The following F12 variants were observed in gnomAD, a reference collection of about 807,000 sequenced individuals.
The protein encoded by F12 is Hageman factor.
Under a neutral mutation model 74.8 loss-of-function variants are expected in F12, and 70 were observed. The observed-to-expected ratio is 0.94, with a 90% CI of 0.77 to 1.14. The LOEUF (loss-of-function observed/expected upper bound fraction) is 1.14. Ranked by LOEUF, F12 falls within the 50% of genes most tolerant of loss-of-function variation. The pLI is 0.00. For synonymous variants in F12, 373 were observed against 356.4 expected, an observed-to-expected ratio of 1.05 and a Z score of -0.52; for missense variants, 811 against 835.7, an observed-to-expected ratio of 0.97 and a Z score of 0.36.
chr5:177,407,817 G>A (rs1446768342), intron 2 of F12, among the ~76,000 whole-genome samples: 4 of 151,900 alleles, frequency 2.6e-5, no homozygotes, highest in African/African-American at 9.7e-5. Flanking sequence ...GGGATGGACG[G>A]ACAGAGAGGA....
Position 177,404,319 on chromosome 5 carries a change from T to C in F12, c.895A>G (p.Thr299Ala). The C allele has an allele frequency of 6.2e-7, 1 of 1,605,470 alleles. No individual in the cohort carries two copies. The highest frequency in any genetic ancestry group is 1.1e-5 in the South Asian group (1 of 90,524). ...YCDLAQCQTP[T>A]QAAPPTPVSP... Reference sequence around the variant, plus strand: ...ACCGGGGTCGGAGGCGCCGCCTGGGTTGGGGTCTGGCACTGTGCCAGGTCG... The same window carrying C: ...ACCGGGGTCGGAGGCGCCGCCTGGGCTGGGGTCTGGCACTGTGCCAGGTCG... The change falls in exon 9 of 14, where the codon ACC (threonine) becomes GCC (alanine). Residue 299 changes from threonine (T) to alanine (A), a missense_variant. Thr to Ala is a moderately conservative substitution (Grantham distance 58). Coordinates refer to ENST00000253496, the MANE Select transcript of F12 (RefSeq NM_000505.4).
intron 6 of F12, 47 bp downstream of exon 6, chr5:177,405,007 T>C: frequency 6.2e-7 from 1 of 1,603,740 alleles, no homozygotes; most frequent in Non-Finnish European, 8.5e-7. Context: ...CCTGCCAGCC[T>C]GTCTTCCTGA....
intron 6 of F12, 63 bp downstream of exon 6, chr5:177,404,991 C>T (rs1280978401): frequency 1.3e-5 from 21 of 1,594,242 alleles, no homozygotes; most frequent in Admixed American, 1.7e-5. Context: ...GCACACCACC[C>T]GGCCTCCTGC....
Position 177,404,898 on chromosome 5 carries a change from C to G in F12, c.546G>C (p.Pro182=). The change falls in exon 7 of 14, where the codon CCG becomes CCC. Residue 182 remains proline (P), a synonymous_variant. Coordinates refer to ENST00000253496, the MANE Select transcript of F12 (RefSeq NM_000505.4). ...CTAGGCAGCGACCCCCATGGAGGCA[C>G]GGGTTGGTGCGGCAGGCTTGGGGAG... ...RLASQACRTN[P]CLHGGRCLEV... is the part of the protein sequence containing the mutation. The G allele has an allele frequency of 6.2e-7, 1 of 1,605,604 alleles. No individual in the cohort carries two copies. The highest frequency in any genetic ancestry group is 8.5e-7 in the Non-Finnish European group (1 of 1,177,696).
chr5:177,404,494 C>T lies in F12; in HGVS notation c.800+5G>A. 2 of 1,590,508 alleles carry T rather than the reference C, an allele frequency of 1.3e-6. No individual in the cohort carries two copies. The highest frequency in any genetic ancestry group is 1.7e-6 in the Non-Finnish European group (2 of 1,168,960). Reference sequence around the variant, plus strand: ...GGAGGGGTCACCCAGCCCCACGCGGCGCACCGGCAGAAGGCGTGGCCGCCC... The same window carrying T: ...GGAGGGGTCACCCAGCCCCACGCGGTGCACCGGCAGAAGGCGTGGCCGCCC... On this transcript the variant is annotated splice_donor_5th_base_variant and intron_variant, in intron 8 of 13. Transcript: ENST00000253496.
chr5:177,404,602 G>T lies in F12; in HGVS notation c.697C>A (p.Leu233Ile), dbSNP rs1324965366. 5.0e-6 allele frequency: 8 copies of T among 1,608,268 alleles called. No individual in the cohort carries two copies. The highest frequency in any genetic ancestry group is 6.8e-6 in the Non-Finnish European group (8 of 1,179,576). ...LSYRGLARTTLSGAPCQPWAS... is the reference protein window; with the variant it reads ...LSYRGLARTTISGAPCQPWAS... ...CACGGCTGACAGGGCGCACCCGAGA[G>T]CGTGGTCCTGGCCAGGCCGCGGTAG... is the stretch of plus-strand genomic sequence containing the variant. Residue 233 changes from leucine to isoleucine, a missense_variant, in exon 8 of 14, where the codon CTC becomes ATC. Physicochemically the swap from Leu to Ile is conservative, Grantham distance 5. Coordinates refer to ENST00000253496, the MANE Select transcript of F12 (RefSeq NM_000505.4).
At position 177,409,462 on chromosome 5, in the gene F12, A is replaced by G; in HGVS notation, c.57+9T>C. On this transcript the variant is annotated intron_variant, in intron 1 of 13. Transcript: ENST00000253496. ...ATCCTGGGACAATCCTGGTTCCCACAGCACTCACCGAAAGTGTTGACTCCA... is the reference window on the plus strand; with the variant it reads ...ATCCTGGGACAATCCTGGTTCCCACGGCACTCACCGAAAGTGTTGACTCCA... The G allele has an allele frequency of 1.2e-6, 2 of 1,613,844 alleles. No individual in the cohort carries two copies. Among genetic ancestry groups the G allele is most frequent in the Non-Finnish European group, 1.7e-6 (2 of 1,179,906 alleles).
At position 177,402,409 on chromosome 5, in the gene F12, C is replaced by T. The variant is rs932268685; in HGVS notation, c.1731G>A (p.Arg577=). ...AGCTGATGATGCCTTGCAGGGTGAGCCGGCGCTCTGCAGCTTGGTCCTCAC... is the reference window on the plus strand; with the variant it reads ...AGCTGATGATGCCTTGCAGGGTGAGTCGGCGCTCTGCAGCTTGGTCCTCAC... ...LVCEDQAAER[R]LTLQGIISWG... Residue 577 remains arginine, a synonymous_variant, in exon 14 of 14, where the codon CGG becomes CGA. Coordinates refer to ENST00000253496, the MANE Select transcript of F12 (RefSeq NM_000505.4). 3 of 1,612,668 alleles carry T rather than the reference C, an allele frequency of 1.9e-6. No homozygotes were observed. Among genetic ancestry groups the T allele is most frequent in the South Asian group, 2.2e-5 (2 of 90,900 alleles).
rs749022700 is a variant in F12, at chr5:177,402,626, G to C, written c.1604C>G (p.Pro535Arg). 2.5e-6 allele frequency: 4 copies of C among 1,613,144 alleles called. No homozygotes were observed. In the South Asian group the frequency reaches 4.4e-5, roughly 18 times the overall value. The change falls in exon 13 of 14, where the codon CCG (proline) becomes CGG (arginine). Residue 535 changes from proline (P) to arginine (R), a missense_variant. Pro to Arg is a moderately radical substitution (Grantham distance 103). Coordinates refer to ENST00000253496, the MANE Select transcript of F12 (RefSeq NM_000505.4). ...GAGGATGGAGGATCCGTGCACGTCC[G>C]GGGCTGAGCAGCGCTCCAGGGAGAG... ...PFLSLERCSA[P>R]DVHGSSILPG...
At chr5:177,403,756 G>A in intron 10 of F12, 103 bp downstream of exon 10, 1 of 1,459,834 alleles carries the variant, frequency 6.9e-7, no homozygotes, top group Non-Finnish European at 9.1e-7. Context: ...AGAAGGGTGG[G>A]GCGGGAGAAG....
At chr5:177,406,276 C>T (rs926574418) in intron 2 of F12, among the ~76,000 whole-genome samples, 2 of 152,142 alleles carry the variant, frequency 1.3e-5, no homozygotes, top group African/African-American at 4.8e-5. Flanking sequence ...ATCACGAGGT[C>T]AGGAGATCAA....
Position 177,402,459 on chromosome 5 carries a change from C to G in F12, c.1681G>C (p.Gly561Arg), listed in dbSNP as rs767475486. Residue 561 changes from glycine (G) to arginine (R), a missense_variant and splice_region_variant, in exon 14 of 14, where the codon GGT becomes CGT. Physicochemically the swap from Gly to Arg is moderately radical, Grantham distance 125 (BLOSUM62 -2). Coordinates refer to ENST00000253496, the MANE Select transcript of F12 (RefSeq NM_000505.4). Reference protein sequence around the residue: ...FLEGGTDACQGDSGGPLVCED... With the variant: ...FLEGGTDACQRDSGGPLVCED... ...CACACCAGCGGGCCTCCGGAATCAC[C>G]CTGGGTCGGAAACACGCAGCTCAGC... The G allele has an allele frequency of 6.2e-7, 1 of 1,604,900 alleles. No individual in the cohort carries two copies. The highest frequency in any genetic ancestry group is 8.5e-7 in the Non-Finnish European group (1 of 1,176,136).
chr5:177,405,514 G>T, intron 4 of F12, 81 bp from the exon 5 acceptor site: 1 of 1,451,036 alleles, frequency 6.9e-7, no homozygotes, highest in Non-Finnish European at 9.5e-7. Flanking sequence ...GAACCTACTT[G>T]CCTTGTGACC....
intron 12 of F12, chr5:177,402,941 C>T: frequency 1.5e-6 from 1 of 683,538 alleles, no homozygotes; most frequent in Non-Finnish European, 2.4e-6. Context: ...CATCCAGAGT[C>T]GCAGAACCTG....
chr5:177,402,936 A>T (rs1015875593), intron 12 of F12: 2 of 681,346 alleles, frequency 2.9e-6, no homozygotes, highest in Non-Finnish European at 4.9e-6. Flanking sequence ...CCACCCATCC[A>T]GAGTCGCAGA....
chr5:177,404,144 C>G, intron 9 of F12, 52 bp downstream of exon 9: 1 of 1,583,098 alleles, frequency 6.3e-7, no homozygotes, highest in East Asian at 2.3e-5. Context: ...TGGCCGGAAT[C>G]TAGCTCGCCC....
chr5:177,409,342 G>T, intron 1 of F12, 129 bp downstream of exon 1: 1 of 1,170,056 alleles, frequency 8.5e-7, no homozygotes. Flanking sequence ...TTCCGGGCTG[G>T]CCTCACCTTT....
At chr5:177,402,802 C>A in intron 12 of F12, 104 bp from the exon 13 acceptor site, 1 of 1,507,856 alleles carries the variant, frequency 6.6e-7, no homozygotes, top group Non-Finnish European at 9.0e-7. Flanking sequence ...CATGCCCTTC[C>A]TCTCTCGCAG....
Position 177,405,190 on chromosome 5 carries a change from G to T in F12, c.398-5C>A. On this transcript the variant is annotated splice_polypyrimidine_tract_variant and splice_region_variant and intron_variant, in intron 5 of 13. Transcript: ENST00000253496. ...GCTGAGGCTCAAAGCACTTCTCTGGGGACAAAGAGGGATAGTGGTCTCAGG... is the reference window on the plus strand; with the variant it reads ...GCTGAGGCTCAAAGCACTTCTCTGGTGACAAAGAGGGATAGTGGTCTCAGG... The T allele has an allele frequency of 6.2e-7, 1 of 1,613,786 alleles. No homozygotes were observed. Among genetic ancestry groups the T allele is most frequent in the South Asian group, 1.1e-5 (1 of 91,066 alleles).
Sources: allele counts gnomAD v4.1 joint callset (sites outside exome capture counted in the v4.1 genomes callset), GRCh38; gene constraint gnomAD v4.1.1; transcripts MANE v1.5; gene names NCBI Gene and HGNC (gene_info 2026-07-23, HGNC 2026-07-21).